Variants in EPB41L5 observed in about 807,000 individuals in gnomAD.
EPB41L5 encodes the protein erythrocyte membrane protein band 4.1 like 5.
In EPB41L5, 55 loss-of-function variants were observed where a neutral mutation model predicts 106.6. The observed-to-expected ratio is 0.52, with a 90% CI of 0.42 to 0.65. The LOEUF is 0.65. Ranked by LOEUF, EPB41L5 falls within the 30% of genes least tolerant of loss-of-function variation. The pLI is 0.00. For synonymous variants in EPB41L5, 297 were observed against 306.7 expected, an observed-to-expected ratio of 0.97 and a Z score of 0.33; for missense variants, 871 against 882.1, an observed-to-expected ratio of 0.99 and a Z score of 0.16.
intron 3 of EPB41L5, among the ~76,000 whole-genome samples, chr2:120,067,582 A>G (rs902816195): frequency 3.3e-5 from 5 of 152,220 alleles, no homozygotes; most frequent in South Asian, 2.1e-4. Flanking sequence ...TTTTAGGTCT[A>G]TTTGTGTCAT....
chr2:120,063,265 T>A (rs1429457214), intron 3 of EPB41L5, among the ~76,000 whole-genome samples: 1 of 148,196 alleles, frequency 6.7e-6, no homozygotes, highest in Non-Finnish European at 1.5e-5. Flanking sequence ...TTGCTTGAAC[T>A]AGGGAGGCAG....
chr2:120,063,950 AAAAG>A (rs1417436851), intron 3 of EPB41L5, among the ~76,000 whole-genome samples: 1 of 152,150 alleles, frequency 6.6e-6, no homozygotes, highest in Non-Finnish European at 1.5e-5. Context: ...CTCAAAAAAA[AAAAG>A]AAAAAAGAAA....
chr2:120,138,881 C>A (rs2105485316), intron 18 of EPB41L5, among the ~76,000 whole-genome samples: 1 of 152,010 alleles, frequency 6.6e-6, no homozygotes, highest in Non-Finnish European at 1.5e-5. Context: ...CCAAAGCCGT[C>A]CTGAGAAGAA....
chr2:120,035,399 G>C (rs1678983860), intron 2 of EPB41L5, among the ~76,000 whole-genome samples: 1 of 152,112 alleles, frequency 6.6e-6, no homozygotes, highest in African/African-American at 2.4e-5. Flanking sequence ...ATGCCTGGCT[G>C]TTTTTTTCTT....
chr2:120,160,946 C>A lies in EPB41L5; in HGVS notation c.1859C>A (p.Thr620Lys). ...KESLETLMLITPADSGSVLKE... is the reference protein window; with the variant it reads ...KESLETLMLIKPADSGSVLKE... ...TCTCTTGAGACTCTGATGCTTATCA[C>A]ACCTGCCGACAGTGGTTCTGTTCTA... is the stretch of plus-strand genomic sequence containing the variant. The change falls in exon 21 of 25, where the codon ACA (threonine) becomes AAA (lysine). Residue 620 changes from threonine to lysine, a missense_variant. Thr to Lys is a moderately conservative substitution (Grantham distance 78). Transcript: ENST00000263713. 2.5e-6 allele frequency: 4 copies of A among 1,613,870 alleles called. No homozygotes were observed. The highest frequency in any genetic ancestry group is 3.4e-6 in the Non-Finnish European group (4 of 1,179,742).
At chr2:120,109,109 T>C (rs1359897723) in intron 16 of EPB41L5, among the ~76,000 whole-genome samples, 2 of 152,152 alleles carry the variant, frequency 1.3e-5, no homozygotes, top group East Asian at 1.9e-4. Context: ...CAGCCACTTA[T>C]CATTATGCCT....
chr2:120,165,967 C>CAAAAAAAAAAA (rs536664071), intron 22 of EPB41L5, among the ~76,000 whole-genome samples: 3 of 27,998 alleles, frequency 1.1e-4, no homozygotes, highest in African/African-American at 2.3e-4. Context: ...GACTCCGTCT[C>CAAAAAAAAAAA]AAAAAAAAAA....
intron 5 of EPB41L5, 177 bp downstream of exon 5, chr2:120,074,355 T>G: frequency 1.9e-6 from 1 of 533,372 alleles, no homozygotes; most frequent in Non-Finnish European, 3.3e-6. Context: ...ATTCTTTTCC[T>G]TTAGCATTTT....
intron 10 of EPB41L5, among the ~76,000 whole-genome samples, 157 bp downstream of exon 10, chr2:120,078,738 T>A (rs1682425345): frequency 6.6e-6 from 1 of 152,200 alleles, no homozygotes; most frequent in Non-Finnish European, 1.5e-5. Context: ...TCATTATTCC[T>A]ACTCTCCAGA....
At chr2:120,156,458 G>C (rs963590345) in intron 20 of EPB41L5, among the ~76,000 whole-genome samples, 1 of 152,170 alleles carries the variant, frequency 6.6e-6, no homozygotes, top group Non-Finnish European at 1.5e-5. Flanking sequence ...GCATGGGCTG[G>C]CTTTGTTTCC....
intron 18 of EPB41L5, among the ~76,000 whole-genome samples, chr2:120,140,803 A>C (rs1219136559): frequency 6.6e-6 from 1 of 152,122 alleles, no homozygotes; most frequent in African/African-American, 2.4e-5. Context: ...TTCATGTTTT[A>C]TTAATGTGAT....
At chr2:120,086,578 G>A (rs1488499423) in intron 10 of EPB41L5, among the ~76,000 whole-genome samples, 2 of 151,936 alleles carry the variant, frequency 1.3e-5, no homozygotes, top group African/African-American at 4.8e-5. Flanking sequence ...CCTGGGCAAC[G>A]TAGCGAGATG....
chr2:120,108,062 A>G (rs1003169228), intron 16 of EPB41L5: 1 of 152,178 alleles, frequency 6.6e-6, no homozygotes, highest in Non-Finnish European at 1.5e-5. Flanking sequence ...GAAGTAGACA[A>G]ACAATTGTTC....
chr2:120,039,438 T>C (rs976689138), intron 2 of EPB41L5, among the ~76,000 whole-genome samples: 18 of 152,092 alleles, frequency 1.2e-4, no homozygotes, highest in Non-Finnish European at 1.3e-4. Context: ...CAAATTGTGT[T>C]ATACTTTAAA....
chr2:120,077,351 T>C (rs766305961), intron 9 of EPB41L5, 35 bp downstream of exon 9: 4 of 1,580,430 alleles, frequency 2.5e-6, no homozygotes, highest in Non-Finnish European at 3.5e-6. Context: ...TTTAAAAATT[T>C]ATTCTTTGGA....
intron 16 of EPB41L5, among the ~76,000 whole-genome samples, chr2:120,119,121 G>A (rs1055786025): frequency 6.6e-5 from 10 of 151,836 alleles, no homozygotes; most frequent in Admixed American, 2.6e-4. Context: ...TTTGTTGGCC[G>A]CATGTATGTC....
intron 16 of EPB41L5, among the ~76,000 whole-genome samples, chr2:120,118,750 G>T (rs997526058): frequency 6.6e-6 from 1 of 152,162 alleles, no homozygotes; most frequent in Non-Finnish European, 1.5e-5. Flanking sequence ...TGTCATTTAT[G>T]GGCATTTAGA....
At position 120,077,020 on chromosome 2, in the gene EPB41L5, A is replaced by C; in HGVS notation, c.555A>C (p.Ser185=). 6.2e-7 allele frequency: 1 copy of C among 1,612,432 alleles called. No individual in the cohort carries two copies. Among genetic ancestry groups the C allele is most frequent in the South Asian group, 1.1e-5 (1 of 90,920 alleles). Residue 185 remains serine (S), a synonymous_variant, in exon 8 of 25, where the codon TCA becomes TCC. Coordinates refer to ENST00000263713, the MANE Select transcript of EPB41L5 (RefSeq NM_020909.4). Reference sequence around the variant, plus strand: ...CTGAGCATAGTCCTGAACTTGTCTCAGAGTTCAGATTCGTGCCTATTCAGA... The same window carrying C: ...CTGAGCATAGTCCTGAACTTGTCTCCGAGTTCAGATTCGTGCCTATTCAGA... ...DLAEHSPELV[S]EFRFVPIQTE... is the part of the protein sequence containing the mutation.
intron 20 of EPB41L5, among the ~76,000 whole-genome samples, chr2:120,157,768 C>CAAA (rs200155407): frequency 1.3e-5 from 1 of 79,564 alleles, no homozygotes; most frequent in Admixed American, 1.3e-4. Flanking sequence ...GACCCTGTCT[C>CAAA]AAAAAAAAAA....
Sources: allele counts gnomAD v4.1 joint callset (sites outside exome capture counted in the v4.1 genomes callset), GRCh38; gene constraint gnomAD v4.1.1; transcripts MANE v1.5; gene names NCBI Gene and HGNC (gene_info 2026-07-23, HGNC 2026-07-21).